Variants in PSIP1 observed in about 807,000 individuals in gnomAD.
PSIP1 encodes PC4 and SFRS1-interacting protein.
PSIP1 carries 19 observed loss-of-function variants against 74.7 expected under a neutral mutation model. The ratio of observed to expected loss-of-function variants is 0.25; its 90% confidence interval spans 0.18 to 0.37. PSIP1 has a LOEUF of 0.37. Ranked by LOEUF, PSIP1 falls within the 10% of genes least tolerant of loss-of-function variation. The pLI, the probability that PSIP1 is intolerant of heterozygous loss-of-function variation, is 1.00. For missense variants in PSIP1, 601 were observed against 614.3 expected (o/e 0.98, Z 0.23); for synonymous variants, 222 against 195.3 (o/e 1.14, Z -1.14).
intron 3 of PSIP1, among the ~76,000 whole-genome samples, chr9:15,496,051 C>A (rs1160022433): frequency 6.6e-6 from 1 of 152,080 alleles, no homozygotes; most frequent in Non-Finnish European, 1.5e-5. Context: ...ACTATACATC[C>A]GACTGTGCAT....
chr9:15,470,865 A>G (rs1453232268), intron 10 of PSIP1: 3 of 1,080,994 alleles, frequency 2.8e-6, no homozygotes, highest in Non-Finnish European at 3.4e-6. Flanking sequence ...TAGATGAATA[A>G]TGTACAACCA....
chr9:15,509,163 T>C (rs997966002), intron 2 of PSIP1, among the ~76,000 whole-genome samples: 3 of 152,182 alleles, frequency 2.0e-5, no homozygotes, highest in Admixed American at 2.0e-4. Context: ...TTTTAAGAAA[T>C]ACATTTTCAA....
chr9:15,505,887 C>A (rs1298265759), intron 3 of PSIP1: 1 of 152,150 alleles, frequency 6.6e-6, no homozygotes, highest in Non-Finnish European at 1.5e-5. Context: ...AACAAGACTA[C>A]CAAAATTATG....
intron 10 of PSIP1, chr9:15,471,352 G>T: frequency 6.4e-7 from 1 of 1,564,122 alleles, no homozygotes; most frequent in Non-Finnish European, 8.8e-7. Flanking sequence ...GAGAAGGAAA[G>T]AAAACACAAA....
intron 3 of PSIP1, among the ~76,000 whole-genome samples, chr9:15,502,523 C>A (rs1475133365): frequency 1.3e-5 from 2 of 152,228 alleles, no homozygotes; most frequent in African/African-American, 2.4e-5. Context: ...ATCCTCCTGC[C>A]TCAGCCTCCT....
intron 6 of PSIP1, among the ~76,000 whole-genome samples, chr9:15,484,067 G>C (rs1265163934): frequency 1.3e-5 from 2 of 150,914 alleles, no homozygotes; most frequent in Non-Finnish European, 2.9e-5. Flanking sequence ...GGGAGGTGGA[G>C]GTTGCAGTGA....
At chr9:15,506,362 G>A (rs1407598266) in intron 3 of PSIP1, 199 bp downstream of exon 3, 2 of 417,884 alleles carry the variant, frequency 4.8e-6, no homozygotes, top group Admixed American at 3.9e-5. Flanking sequence ...TTTGGTTAAG[G>A]AAATATCAAT....
At chr9:15,471,720 C>T in intron 10 of PSIP1, 3 of 965,240 alleles carry the variant, frequency 3.1e-6, no homozygotes, top group Non-Finnish European at 3.7e-6. Flanking sequence ...GAGTAAAACG[C>T]TGTACTTGTC....
At chr9:15,476,850 C>T (rs1234766385) in intron 8 of PSIP1, among the ~76,000 whole-genome samples, 1 of 152,188 alleles carries the variant, frequency 6.6e-6, no homozygotes, top group Admixed American at 6.5e-5. Flanking sequence ...AAAAGGTACA[C>T]TGGGCCCTCA....
rs1045865418 is a variant in PSIP1, at chr9:15,481,365, C to T, written c.457-1678G>A. Among the ~76,000 whole-genome samples the T allele has an allele frequency of 3.9e-5, 6 of 152,222 alleles. No individual in the cohort carries two copies. In the South Asian group the frequency reaches 8.3e-4, roughly 21 times the overall value. The stretch of plus-strand genomic sequence containing the variant: ...AGAAGACTCTCTCCACTTACACTTT[C>T]TGCTTTTGGAAATAAATCAAAACAC... On this transcript the variant is annotated intron_variant, in intron 6 of 15. Coordinates refer to ENST00000380733, the MANE Select transcript of PSIP1 (RefSeq NM_033222.5).
rs7856215 is a variant in PSIP1 at position 15,493,491 on chromosome 9, C to T, written c.150-3367G>A. Among the ~76,000 whole-genome samples the T allele has an allele frequency of 1.3e-3, 191 of 152,316 alleles. 1 individual carries two copies. Among genetic ancestry groups the T allele is most frequent in the African/African-American group, 4.3e-3 (178 of 41,570 alleles). ...TCTGCCTGTTACCCAGTTCCAAAGT[C>T]GCTTCCACGTTTTCAGGTATCTTTA... On this transcript the variant is annotated intron_variant, in intron 3 of 15. Coordinates refer to ENST00000380733, the MANE Select transcript of PSIP1 (RefSeq NM_033222.5).
rs1332046540 is a variant in PSIP1, at chr9:15,464,089, A to G, written c.*1431T>C. ...AGTTTGATAGAAAAATTCTTTAATG[A>G]AAACAAGTTTACACGTTGAACTTAT... On this transcript the variant is annotated 3_prime_UTR_variant, in exon 16 of 16. Coordinates refer to ENST00000380733, the MANE Select transcript of PSIP1 (RefSeq NM_033222.5). 1 of 178,766 alleles carries G rather than the reference A, an allele frequency of 5.6e-6. No homozygotes were observed. The highest frequency in any genetic ancestry group is 2.4e-5 in the African/African-American group (1 of 42,276). The allele number at this position is 178,766 out of a possible 1,614,324, so 11.1% of individuals were successfully genotyped here.
In PSIP1 at chr9:15,465,757, T is replaced by C. The variant is rs1009865662; in HGVS notation, c.1533-177A>G. The C allele has an allele frequency of 9.3e-6, 5 of 536,976 alleles. No individual in the cohort carries two copies. In the African/African-American group the frequency reaches 9.8e-5, roughly 11 times the overall value. The allele number at this position is 536,976 out of a possible 1,614,324, so 33.3% of individuals were successfully genotyped here. A position where few individuals can be genotyped will look rare whatever the true frequency, so the allele number is the denominator to read the frequency against. ...TTATTATTTTTTTCTTCTTCAAAAC[T>C]GTTATTTTACCATGTTGTATCTTCT... On this transcript the variant is annotated intron_variant, in intron 15 of 15. Coordinates refer to ENST00000380733, the MANE Select transcript of PSIP1 (RefSeq NM_033222.5).
In PSIP1 at chr9:15,469,123, A is replaced by T. The variant is rs933069037; in HGVS notation, c.1105-65T>A. The T allele has an allele frequency of 2.0e-6, 3 of 1,489,986 alleles. 1 individual carries two copies. The highest frequency in any genetic ancestry group is 1.4e-5 in the African/African-American group (1 of 71,316). 92.3% of individuals were successfully genotyped at this position (1,489,986 alleles called of 1,614,324 possible). On this transcript the variant is annotated intron_variant, in intron 12 of 15. Coordinates refer to ENST00000380733, the MANE Select transcript of PSIP1 (RefSeq NM_033222.5). ...TTAACACTTAAACAATCTGTTTCTA[A>T]AGATCGTTTCCAAAAAAAAAGAGGT... is the stretch of plus-strand genomic sequence containing the variant.
At chr9:15,506,394 A>C in intron 3 of PSIP1, 167 bp downstream of exon 3, 1 of 482,338 alleles carries the variant, frequency 2.1e-6, no homozygotes, top group Non-Finnish European at 3.7e-6. Flanking sequence ...ATAAACCTAT[A>C]GCATCTGTAA....
In PSIP1 at chr9:15,466,769, T is replaced by C. The variant is rs1002304631; in HGVS notation, c.1511A>G (p.His504Arg). Reference protein sequence around the residue: ...GESNEDSKDNHEASTKKKPSS... With the variant: ...GESNEDSKDNREASTKKKPSS... Reference sequence around the variant, plus strand: ...TCACTTTTTCTTCGTGCTGGCTTCATGGTTGTCTTTGCTGTCTTCATTGCT... The same window carrying C: ...TCACTTTTTCTTCGTGCTGGCTTCACGGTTGTCTTTGCTGTCTTCATTGCT... The change falls in exon 15 of 16, where the codon CAT becomes CGT. Residue 504 changes from histidine (H) to arginine (R), a missense_variant. Physicochemically the swap from His to Arg is conservative, Grantham distance 29 (BLOSUM62 0). Around this residue, in one of 2 missense-constraint regions of PSIP1, gnomAD observed 538 missense variants for 507.6 expected, o/e 1.06. Transcript: ENST00000380733. The C allele has an allele frequency of 2.7e-5, 43 of 1,612,152 alleles. 1 individual carries two copies. The highest frequency in any genetic ancestry group is 3.6e-5 in the Non-Finnish European group (42 of 1,179,432).
Position 15,464,808 on chromosome 9 carries a change from C to T in PSIP1, c.*712G>A, listed in dbSNP as rs531514922. 9.6e-6 allele frequency: 2 copies of T among 207,312 alleles called. No homozygotes were observed. The highest frequency in any genetic ancestry group is 4.5e-5 in the African/African-American group (2 of 43,992). The allele number at this position is 207,312 out of a possible 1,614,324, so 12.8% of individuals were successfully genotyped here. On this transcript the variant is annotated 3_prime_UTR_variant, in exon 16 of 16. Coordinates refer to ENST00000380733, the MANE Select transcript of PSIP1 (RefSeq NM_033222.5). The stretch of plus-strand genomic sequence containing the variant: ...CTATATATACCCAGTCAGTTGTCTG[C>T]AAAGAAGTCCTAAGACTTCACTGAA...
At chr9:15,477,416 G>C (rs769825069) in intron 8 of PSIP1, among the ~76,000 whole-genome samples, 1 of 152,002 alleles carries the variant, frequency 6.6e-6, no homozygotes, top group Non-Finnish European at 1.5e-5. Context: ...CACTATTTTT[G>C]AAAGTAAATA....
intron 8 of PSIP1, among the ~76,000 whole-genome samples, chr9:15,477,079 G>A (rs536284513): frequency 6.6e-6 from 1 of 152,250 alleles, no homozygotes; most frequent in East Asian, 1.9e-4. Context: ...CCAAAACAGA[G>A]GGATCTCACA....
Sources: allele counts gnomAD v4.1 joint callset (sites outside exome capture counted in the v4.1 genomes callset), GRCh38; gene constraint gnomAD v4.1.1; regional missense constraint gnomAD v4.1.1; transcripts MANE v1.5; gene names NCBI Gene and HGNC (gene_info 2026-07-23, HGNC 2026-07-21).